NRXN3: variants seen among roughly 807,000 people sequenced by gnomAD.
NRXN3 encodes neurexin III.
A neutral mutation model predicts 137.6 loss-of-function variants in NRXN3; 32 were observed. That is an observed-to-expected ratio of 0.23 (90% CI 0.18 to 0.31). The LOEUF (loss-of-function observed/expected upper bound fraction) is 0.31, where lower values mean the gene tolerates loss of function less well. Ranked by LOEUF, NRXN3 falls within the 10% of genes least tolerant of loss-of-function variation. NRXN3 has a pLI of 1.00. For missense variants in NRXN3, 1,574 were observed against 2,062.5 expected (o/e 0.76, Z 4.59); for synonymous variants, 798 against 784.5 (o/e 1.02, Z -0.29).
chr14:79,286,366 G>A (rs1001528053), intron 15 of NRXN3, among the ~76,000 whole-genome samples: 2 of 151,632 alleles, frequency 1.3e-5, no homozygotes, highest in East Asian at 3.9e-4. Context: ...TAAATTTCTC[G>A]TTTTTCAATT....
intron 16 of NRXN3, among the ~76,000 whole-genome samples, chr14:79,579,947 C>G (rs1382814881): frequency 6.6e-6 from 1 of 152,160 alleles, no homozygotes; most frequent in East Asian, 1.9e-4. Context: ...ATCCCACCCA[C>G]ACACCCATTC....
intron 15 of NRXN3, among the ~76,000 whole-genome samples, chr14:79,425,422 G>T (rs1453747095): frequency 6.6e-6 from 1 of 152,188 alleles, no homozygotes; most frequent in Non-Finnish European, 1.5e-5. Flanking sequence ...CAGTGCCTCT[G>T]TCACAGCCTT....
chr14:78,823,804 T>C (rs144708232), intron 10 of NRXN3, among the ~76,000 whole-genome samples: 1 of 152,086 alleles, frequency 6.6e-6, no homozygotes, highest in Non-Finnish European at 1.5e-5. Context: ...AAATGTGCAA[T>C]TGAGCTTCAT....
intron 16 of NRXN3, among the ~76,000 whole-genome samples, chr14:79,537,303 T>G (rs1000561963): frequency 6.6e-6 from 1 of 151,880 alleles, no homozygotes; most frequent in African/African-American, 2.4e-5. Flanking sequence ...CTTTTTTTTT[T>G]ATTATACTTT....
chr14:78,258,437 C>T (rs967082406), intron 2 of NRXN3, among the ~76,000 whole-genome samples: 4 of 59,674 alleles, frequency 6.7e-5, no homozygotes, highest in Admixed American at 3.8e-4. Flanking sequence ...TTGGCATTGG[C>T]GGGGGGAGGA....
intron 15 of NRXN3, among the ~76,000 whole-genome samples, chr14:79,458,987 G>GTTTTA (rs2153600022): frequency 6.6e-6 from 1 of 152,106 alleles, no homozygotes; most frequent in South Asian, 2.1e-4. Context: ...TTTTTGTTTT[G>GTTTTA]TTTTTAATTT....
chr14:79,332,291 T>C (rs2091800971), intron 15 of NRXN3, among the ~76,000 whole-genome samples: 1 of 152,246 alleles, frequency 6.6e-6, no homozygotes, highest in Admixed American at 6.5e-5. Context: ...TTTGCCTGCC[T>C]TTGATTTTAG....
chr14:78,916,654 G>T (rs968540455), intron 10 of NRXN3, among the ~76,000 whole-genome samples: 1 of 152,192 alleles, frequency 6.6e-6, no homozygotes, highest in African/African-American at 2.4e-5. Context: ...ACATGTGGTG[G>T]GGAATTTGAG....
At chr14:79,802,053 A>AAAAAAAATT (rs2099183624) in intron 19 of NRXN3, among the ~76,000 whole-genome samples, 1 of 152,096 alleles carries the variant, frequency 6.6e-6, no homozygotes, top group African/African-American at 2.4e-5. Flanking sequence ...TGAAAAAAAA[A>AAAAAAAATT]AAAAAAATTA....
intron 15 of NRXN3, among the ~76,000 whole-genome samples, chr14:79,246,001 C>T (rs1363899746): frequency 6.6e-6 from 1 of 152,132 alleles, no homozygotes; most frequent in Non-Finnish European, 1.5e-5. Context: ...AGTGATGGCT[C>T]TGCCTCTGAA....
intron 19 of NRXN3, among the ~76,000 whole-genome samples, chr14:79,803,736 G>A (rs1038124918): frequency 7.2e-5 from 11 of 151,962 alleles, no homozygotes; most frequent in African/African-American, 2.4e-4. Flanking sequence ...TGACTAAGAT[G>A]TATTTATTCA....
rs368534090 is a variant in NRXN3 at position 78,910,530 on chromosome 14, C to T, written c.2276-46712C>T. Among the ~76,000 whole-genome samples the T allele has an allele frequency of 1.4e-4, 22 of 152,140 alleles. No individual in the cohort carries two copies. In the South Asian group the frequency reaches 3.7e-3, roughly 26 times the overall value. The stretch of plus-strand genomic sequence containing the variant: ...GCTTTTCCCACCTAGAGCATTTTCC[C>T]CCAAGATAGTCACAGGGCTGGCAAC... On this transcript the variant is annotated intron_variant, in intron 10 of 20. Coordinates refer to ENST00000335750, the MANE Select transcript of NRXN3 (RefSeq NM_001330195.2).
intron 20 of NRXN3, among the ~76,000 whole-genome samples, chr14:79,840,283 T>C (rs1021076982): frequency 6.6e-6 from 1 of 152,294 alleles, no homozygotes; most frequent in East Asian, 1.9e-4. Context: ...TTTTAAAACA[T>C]GTAGATAACC....
intron 15 of NRXN3, among the ~76,000 whole-genome samples, chr14:79,191,831 C>T (rs1335763256): frequency 6.6e-6 from 1 of 152,086 alleles, no homozygotes; most frequent in Non-Finnish European, 1.5e-5. Context: ...TATAATAGTA[C>T]ATATTGATAT....
At chr14:78,176,760 G>A (rs1392246391) in intron 1 of NRXN3, among the ~76,000 whole-genome samples, 1 of 152,088 alleles carries the variant, frequency 6.6e-6, no homozygotes, top group Non-Finnish European at 1.5e-5. Flanking sequence ...CTGGTGGGCT[G>A]TGGGCCCTTT....
At chr14:79,346,353 G>A (rs1204214335) in intron 15 of NRXN3, among the ~76,000 whole-genome samples, 1 of 152,156 alleles carries the variant, frequency 6.6e-6, no homozygotes. Context: ...CGCGGGAGGT[G>A]GAGGTTGCAG....
At chr14:78,413,843 C>A (rs1292951260) in intron 4 of NRXN3, among the ~76,000 whole-genome samples, 3 of 152,154 alleles carry the variant, frequency 2.0e-5, no homozygotes, top group Non-Finnish European at 4.4e-5. Context: ...AGCTCTGTGT[C>A]CCCACCCAAA....
Position 79,861,394 on chromosome 14 carries a change from C to T in NRXN3, c.4146C>T (p.Pro1382=). The change falls in exon 21 of 21, where the codon CCC becomes CCT. Residue 1382 remains proline (P), a synonymous_variant. Coordinates refer to ENST00000335750, the MANE Select transcript of NRXN3 (RefSeq NM_001330195.2). The surrounding 1 kb of genome is among the most constrained non-coding windows in gnomAD (Gnocchi z 5.4). ...AAGGTGGCTACAAAGCACATGCGCC[C>T]AAGTGGGAATCCAAGGACTTTAGAC... ...IFEGGYKAHA[P]KWESKDFRPN... is the part of the protein sequence containing the mutation. 1 of 1,536,218 alleles carries T rather than the reference C, an allele frequency of 6.5e-7. No individual in the cohort carries two copies. The highest frequency in any genetic ancestry group is 8.7e-7 in the Non-Finnish European group (1 of 1,146,938).
chr14:79,090,703 G>C (rs929430065), intron 15 of NRXN3, among the ~76,000 whole-genome samples: 6 of 152,152 alleles, frequency 3.9e-5, no homozygotes, highest in Admixed American at 2.0e-4. Flanking sequence ...CAACTCTCCA[G>C]CCTCTTTAGA....
Sources: gnomAD v4.1 joint callset for allele counts (sites outside exome capture counted in the v4.1 genomes callset) on GRCh38, gnomAD v4.1.1 for gene constraint, Gnocchi (gnomAD v3.1) non-coding constraint, MANE v1.5 for transcripts, NCBI Gene and HGNC (gene_info 2026-07-23, HGNC 2026-07-21) for gene names.